WIPF2: variants seen among roughly 807,000 people sequenced by gnomAD.
The protein encoded by WIPF2 is WAS/WASL-interacting protein family member 2.
WIPF2 carries 23 observed loss-of-function variants against 38.8 expected under a neutral mutation model. The observed-to-expected ratio is 0.59, with a 90% CI of 0.43 to 0.84. The LOEUF (loss-of-function observed/expected upper bound fraction) is 0.84. Ranked by LOEUF, WIPF2 falls within the 40% of genes least tolerant of loss-of-function variation. The pLI is 0.00. For synonymous variants in WIPF2, 210 were observed against 223.2 expected, an observed-to-expected ratio of 0.94 and a Z score of 0.53; for missense variants, 574 against 580.5, an observed-to-expected ratio of 0.99 and a Z score of 0.11.
Position 40,273,946 on chromosome 17 carries a change from C to CTGAGGAATG in WIPF2, c.1127_1128insTGAGGAATG (p.Pro376_Pro377insGluGluTrp). ...GCTGGGCCACCCCCTCCTCCTCCAC[C>CTGAGGAATG]GCCCCTGAGGAATGGCCACAGAGAT... On this transcript the variant is annotated inframe_insertion, in exon 6 of 8. Coordinates refer to ENST00000323571, the MANE Select transcript of WIPF2 (RefSeq NM_133264.5). The CTGAGGAATG allele has an allele frequency of 6.3e-7, 1 of 1,591,266 alleles. No individual in the cohort carries two copies. Among genetic ancestry groups the CTGAGGAATG allele is most frequent in the Non-Finnish European group, 8.6e-7 (1 of 1,168,470 alleles).
In WIPF2 at chr17:40,281,456, C is replaced by G. The variant is rs899790892; in HGVS notation, c.*3231C>G. On this transcript the variant is annotated 3_prime_UTR_variant, in exon 8 of 8. Transcript: ENST00000323571. The stretch of plus-strand genomic sequence containing the variant: ...TCTGTCATGGGGATTTGCTCCACTG[C>G]AGAGCCCCATCATTTTCACAGCGTA... 14 of 152,146 alleles carry G rather than the reference C, an allele frequency of 9.2e-5. No homozygotes were observed. The highest frequency in any genetic ancestry group is 3.1e-4 in the African/African-American group (13 of 41,416). 9.4% of individuals were successfully genotyped at this position (152,146 alleles called of 1,614,324 possible). A position where few individuals can be genotyped will look rare whatever the true frequency, so the allele number is the denominator to read the frequency against.
At chr17:40,234,291 G>T (rs915068008) in intron 1 of WIPF2, among the ~76,000 whole-genome samples, 2 of 151,352 alleles carry the variant, frequency 1.3e-5, no homozygotes, top group Non-Finnish European at 3.0e-5. Flanking sequence ...CTAGCTACTC[G>T]GGAGGCGCAT....
intron 1 of WIPF2, among the ~76,000 whole-genome samples, chr17:40,245,023 G>A (rs2031315797): frequency 2.0e-5 from 3 of 152,178 alleles, no homozygotes; most frequent in Admixed American, 2.0e-4. Context: ...CTGGGCAGCT[G>A]TAGTCCCAGC....
At position 40,243,821 on chromosome 17, in the gene WIPF2, C is replaced by T. The variant is rs77170982; in HGVS notation, c.-69-12570C>T. Among the ~76,000 whole-genome samples, 425 of 151,986 alleles carry T rather than the reference C, an allele frequency of 2.8e-3. 2 individuals are homozygous for T. Among genetic ancestry groups the T allele is most frequent in the African/African-American group, 9.8e-3 (407 of 41,474 alleles). ...CAGGAGTGAGCCACCACGCCCGGCC[C>T]GATTTTTCAGTTTTAATATTCATGA... On this transcript the variant is annotated intron_variant, in intron 1 of 7. Coordinates refer to ENST00000323571, the MANE Select transcript of WIPF2 (RefSeq NM_133264.5).
intron 3 of WIPF2, among the ~76,000 whole-genome samples, chr17:40,262,262 T>G (rs2145379395): frequency 6.6e-6 from 1 of 151,972 alleles, no homozygotes; most frequent in African/African-American, 2.4e-5. Context: ...TTTGAAATTT[T>G]TTGTAGAGTC....
intron 1 of WIPF2, among the ~76,000 whole-genome samples, chr17:40,239,349 G>A (rs549992765): frequency 6.6e-6 from 1 of 152,178 alleles, no homozygotes; most frequent in South Asian, 2.1e-4. Flanking sequence ...GGGATTACAG[G>A]CGTGATCCAC....
intron 1 of WIPF2, among the ~76,000 whole-genome samples, chr17:40,220,811 G>A (rs2030201866): frequency 7.1e-6 from 1 of 140,690 alleles, no homozygotes; most frequent in Admixed American, 7.4e-5. Flanking sequence ...GTCTCGCTCA[G>A]TGGCCTAGGC....
intron 1 of WIPF2, among the ~76,000 whole-genome samples, chr17:40,255,302 A>C (rs560928676): frequency 6.6e-6 from 1 of 152,064 alleles, no homozygotes; most frequent in East Asian, 1.9e-4. Flanking sequence ...AAGCCTGCAC[A>C]ATACAGGGAG....
chr17:40,262,838 T>G (rs540844129), intron 4 of WIPF2, among the ~76,000 whole-genome samples, 197 bp downstream of exon 4: 3 of 152,264 alleles, frequency 2.0e-5, no homozygotes, highest in Admixed American at 2.0e-4. Context: ...AAAGAAAATG[T>G]GGCATATATA....
At chr17:40,269,276 C>T (rs55868489) in intron 5 of WIPF2, among the ~76,000 whole-genome samples, 1,827 of 152,134 alleles carry the variant, frequency 0.012, 28 homozygotes, top group African/African-American at 0.042. Flanking sequence ...GCTAAGATTG[C>T]ACCACTGCAC....
chr17:40,254,744 T>C (rs2145358707), intron 1 of WIPF2, among the ~76,000 whole-genome samples: 1 of 152,234 alleles, frequency 6.6e-6, no homozygotes, highest in East Asian at 1.9e-4. Context: ...TTTCCTTTTT[T>C]TTTTTGAGAC....
intron 1 of WIPF2, among the ~76,000 whole-genome samples, chr17:40,235,539 C>CTAAA (rs2030932176): frequency 6.9e-6 from 1 of 145,352 alleles, no homozygotes; most frequent in Admixed American, 7.0e-5. Context: ...CTTCCAGAGG[C>CTAAA]TTTATGAAAG....
chr17:40,262,672 C>A, intron 4 of WIPF2, 31 bp downstream of exon 4: 1 of 1,577,170 alleles, frequency 6.3e-7, no homozygotes, highest in Non-Finnish European at 8.7e-7. Context: ...CAGGGTATTT[C>A]CCTGGTGTGT....
intron 1 of WIPF2, among the ~76,000 whole-genome samples, chr17:40,237,441 A>C (rs1186881287): frequency 6.6e-6 from 1 of 151,756 alleles, no homozygotes; most frequent in Admixed American, 6.6e-5. Context: ...GAGTCTTACC[A>C]TGTTGGCCAG....
chr17:40,267,252 G>C (rs2032116216), intron 5 of WIPF2, among the ~76,000 whole-genome samples: 1 of 152,142 alleles, frequency 6.6e-6, no homozygotes. Context: ...GCATGTTTTA[G>C]GCATGTGCGA....
At chr17:40,268,605 T>C (rs1467627974) in intron 5 of WIPF2, among the ~76,000 whole-genome samples, 3 of 152,128 alleles carry the variant, frequency 2.0e-5, no homozygotes, top group African/African-American at 7.2e-5. Context: ...AATTTTTTTT[T>C]ATTTTTATTT....
intron 3 of WIPF2, 21 bp from the exon 4 acceptor site, chr17:40,262,504 C>A: frequency 1.9e-6 from 3 of 1,600,392 alleles, no homozygotes; most frequent in Non-Finnish European, 2.6e-6. Context: ...GAAATGAAAA[C>A]CCTACTGGTA....
chr17:40,247,483 T>C (rs9895163), intron 1 of WIPF2, among the ~76,000 whole-genome samples: 38,963 of 149,834 alleles, frequency 0.26, 7,700 homozygotes, highest in African/African-American at 0.56. Flanking sequence ...CCTCCCAAAG[T>C]GCTGGGATTA....
At chr17:40,230,361 T>C (rs2030687943) in intron 1 of WIPF2, among the ~76,000 whole-genome samples, 1 of 151,662 alleles carries the variant, frequency 6.6e-6, no homozygotes, top group South Asian at 2.1e-4. Context: ...ACTAAAAGAG[T>C]AATAGGATAG....
Sources: allele counts gnomAD v4.1 joint callset (sites outside exome capture counted in the v4.1 genomes callset), GRCh38; gene constraint gnomAD v4.1.1; transcripts MANE v1.5; gene names NCBI Gene and HGNC (gene_info 2026-07-23, HGNC 2026-07-21).